The following GABRR1 variants were observed in gnomAD, a reference collection of about 807,000 sequenced individuals.
GABRR1 encodes gamma-aminobutyric acid receptor subunit rho-1.
A neutral mutation model predicts 55.5 loss-of-function variants in GABRR1; 59 were observed. That is an observed-to-expected ratio of 1.06 (90% confidence interval 0.86 to 1.32). The LOEUF (loss-of-function observed/expected upper bound fraction) is 1.32, where lower values mean the gene tolerates loss of function less well. Ranked by LOEUF, GABRR1 falls within the 40% of genes most tolerant of loss-of-function variation. GABRR1 has a pLI of 0.00. For synonymous variants in GABRR1, 213 were observed against 226.0 expected (o/e 0.94, Z 0.51); for missense variants, 602 against 619.1 (o/e 0.97, Z 0.29).
chr6:89,201,159 C>G lies in GABRR1; in HGVS notation c.280G>C (p.Gly94Arg). 1 of 1,611,534 alleles carries G rather than the reference C, an allele frequency of 6.2e-7. No homozygotes were observed. The highest frequency in any genetic ancestry group is 8.5e-7 in the Non-Finnish European group (1 of 1,177,632). The change falls in exon 3 of 10, where the codon GGC (glycine) becomes CGC (arginine). Residue 94 changes from glycine (G) to arginine (R), a missense_variant and splice_region_variant. Physicochemically the swap from Gly to Arg is moderately radical, Grantham distance 125. Around this residue, in one of 3 missense-constraint regions of GABRR1, gnomAD observed 435 missense variants for 424.2 expected, o/e 1.03. Coordinates refer to ENST00000454853, the MANE Select transcript of GABRR1 (RefSeq NM_002042.5). Reference protein sequence around the residue: ...HDFSMRPGFGGPAIPVGVDVQ... With the variant: ...HDFSMRPGFGRPAIPVGVDVQ... ...CACCCTGAGAGCACACATCCCATAC[C>G]TCCAAAGCCAGGCCTCATGCTGAAA...
At chr6:89,224,678 C>T (rs1773168976) in intron 1 of GABRR1, among the ~76,000 whole-genome samples, 1 of 152,128 alleles carries the variant, frequency 6.6e-6, no homozygotes, top group Non-Finnish European at 1.5e-5. Flanking sequence ...TAGTTTAAGT[C>T]CCACCTGTTT....
intron 5 of GABRR1, among the ~76,000 whole-genome samples, chr6:89,194,038 T>C (rs767295369): frequency 6.6e-5 from 10 of 152,176 alleles, no homozygotes; most frequent in African/African-American, 2.2e-4. Flanking sequence ...GTCAGGAGAT[T>C]TGTCCTTACC....
upstream of GABRR1, among the ~76,000 whole-genome samples, chr6:89,220,299 G>C (rs1365518381): frequency 6.6e-6 from 1 of 152,158 alleles, no homozygotes; most frequent in Admixed American, 6.6e-5. Context: ...AGGAGAGCTG[G>C]TTCAGCAGGT....
intron 1 of GABRR1, among the ~76,000 whole-genome samples, chr6:89,205,089 ATG>A (rs1562306214): frequency 1.3e-5 from 2 of 152,334 alleles, no homozygotes; most frequent in East Asian, 3.9e-4. Flanking sequence ...CTCCTGTTGC[ATG>A]TGTTAACTCA....
chr6:89,227,082 A>G (rs282140), intron 1 of GABRR1, among the ~76,000 whole-genome samples: 14,710 of 77,524 alleles, frequency 0.19, 988 homozygotes, highest in East Asian at 0.37. Flanking sequence ...TTGTTGGTGT[A>G]TAAGAATGCT....
chr6:89,217,334 T>C lies in GABRR1; in HGVS notation c.-12A>G, dbSNP rs1773019251. The C allele has an allele frequency of 1.2e-6, 2 of 1,613,770 alleles. No individual in the cohort carries two copies. The highest frequency in any genetic ancestry group is 1.7e-6 in the Non-Finnish European group (2 of 1,179,916). ...GGGACAGCCAACATGGGTTTCCAAA[T>C]TCAAACAGCTCTCTCCAGAAACAGC... On this transcript the variant is annotated 5_prime_UTR_variant, in exon 1 of 10. Coordinates refer to ENST00000454853, the MANE Select transcript of GABRR1 (RefSeq NM_002042.5).
At chr6:89,209,994 A>G (rs556801340) in intron 1 of GABRR1, among the ~76,000 whole-genome samples, 14 of 152,238 alleles carry the variant, frequency 9.2e-5, no homozygotes, top group African/African-American at 2.9e-4. Flanking sequence ...ATGTCCATCA[A>G]TATAACTTTC....
intron 1 of GABRR1, among the ~76,000 whole-genome samples, chr6:89,216,830 G>C (rs1485331807): frequency 1.3e-5 from 2 of 152,134 alleles, no homozygotes; most frequent in African/African-American, 2.4e-5. Flanking sequence ...TGAAATACAG[G>C]TCCCATTGGT....
intron 1 of GABRR1, among the ~76,000 whole-genome samples, chr6:89,228,746 T>C (rs1355263556): frequency 2.0e-5 from 3 of 150,014 alleles, no homozygotes; most frequent in Admixed American, 2.0e-4. Flanking sequence ...ATTCTGTTGA[T>C]TTGGGGTGGA....
chr6:89,224,612 T>C (rs1216349280), intron 1 of GABRR1, among the ~76,000 whole-genome samples: 1 of 152,238 alleles, frequency 6.6e-6, no homozygotes, highest in African/African-American at 2.4e-5. Context: ...TTTCTCCCAC[T>C]CTGTGGGTTG....
intron 6 of GABRR1, among the ~76,000 whole-genome samples, chr6:89,187,146 G>A (rs1771928212): frequency 6.6e-6 from 1 of 152,130 alleles, no homozygotes; most frequent in East Asian, 1.9e-4. Context: ...GAGGGACAGA[G>A]ATGCATGTGG....
intron 5 of GABRR1, 44 bp downstream of exon 5, chr6:89,197,975 CA>C (rs757293852): frequency 7.9e-5 from 124 of 1,563,694 alleles, no homozygotes; most frequent in Admixed American, 5.7e-4. Flanking sequence ...GTTGTGAAAC[CA>C]ATGCTTTTCT....
chr6:89,195,388 G>T (rs553056953), intron 5 of GABRR1, among the ~76,000 whole-genome samples: 1 of 151,920 alleles, frequency 6.6e-6, no homozygotes. Flanking sequence ...GCTTGAACCC[G>T]AGAGGTGGAG....
At chr6:89,195,153 G>A (rs453561) in intron 5 of GABRR1, among the ~76,000 whole-genome samples, 67,626 of 151,912 alleles carry the variant, frequency 0.45, 16,017 homozygotes, top group East Asian at 0.91. Flanking sequence ...AATAAGACAA[G>A]TAACACATTA....
intron 3 of GABRR1, among the ~76,000 whole-genome samples, chr6:89,200,847 C>T (rs976586432): frequency 8.5e-5 from 13 of 152,130 alleles, no homozygotes; most frequent in African/African-American, 3.1e-4. Flanking sequence ...TTTAGGAGGC[C>T]GCATTGGGCT....
intron 7 of GABRR1, among the ~76,000 whole-genome samples, chr6:89,183,212 T>G (rs1413827797): frequency 7.4e-6 from 1 of 135,992 alleles, no homozygotes; most frequent in Non-Finnish European, 1.6e-5. Flanking sequence ...GGACTAAAAA[T>G]AAAATGGATG....
upstream of GABRR1, among the ~76,000 whole-genome samples, chr6:89,220,377 C>T (rs1456035331): frequency 6.6e-6 from 1 of 152,164 alleles, no homozygotes; most frequent in Non-Finnish European, 1.5e-5. Context: ...GCCACTTCCT[C>T]CATCCAGAAG....
rs765790320 is a variant in GABRR1, at chr6:89,198,111, C to T, written c.481G>A (p.Val161Met). Reference protein sequence around the residue: ...KKIWVPDMFFVHSKRSFIHDT... With the variant: ...KKIWVPDMFFMHSKRSFIHDT... Reference sequence around the variant, plus strand: ...TGGATGAAGGAGCGTTTGGAGTGCACGAAAAACATGTCAGGGACCCAGATC... The same window carrying T: ...TGGATGAAGGAGCGTTTGGAGTGCATGAAAAACATGTCAGGGACCCAGATC... Residue 161 changes from valine (V) to methionine (M), a missense_variant, in exon 5 of 10, where the codon GTG (valine) becomes ATG (methionine). Around this residue, in one of 3 missense-constraint regions of GABRR1, gnomAD observed 435 missense variants for 424.2 expected, o/e 1.03. Coordinates refer to ENST00000454853, the MANE Select transcript of GABRR1 (RefSeq NM_002042.5). The T allele has an allele frequency of 4.0e-5, 65 of 1,613,856 alleles. No individual in the cohort carries two copies. The Middle Eastern group carries it at 4.9e-4, about 12-fold the overall frequency.
intron 1 of GABRR1, among the ~76,000 whole-genome samples, chr6:89,227,056 G>A (rs1399013330): frequency 2.2e-4 from 18 of 82,844 alleles, no homozygotes; most frequent in African/African-American, 1.0e-3. Context: ...TCATGATTTG[G>A]CTTTCTGTTT....
Sources: allele counts gnomAD v4.1 joint callset (sites outside exome capture counted in the v4.1 genomes callset), GRCh38; gene constraint gnomAD v4.1.1; regional missense constraint gnomAD v4.1.1; transcripts MANE v1.5; gene names NCBI Gene and HGNC (gene_info 2026-07-23, HGNC 2026-07-21).